Variants in TRIP4 observed in about 807,000 individuals in gnomAD.
TRIP4 encodes the protein thyroid hormone receptor interactor 4.
In TRIP4, 54 loss-of-function variants were observed where a neutral mutation model predicts 81.8. The observed-to-expected ratio is 0.66, with a 90% confidence interval of 0.53 to 0.83. The LOEUF is 0.83. Among genes scored for constraint, TRIP4 ranks in the 40% least tolerant of loss-of-function variants. TRIP4 has a pLI of 0.00. For synonymous variants in TRIP4, 270 were observed against 242.8 expected (o/e 1.11, Z -1.04); for missense variants, 662 against 683.6 (o/e 0.97, Z 0.35).
intron 11 of TRIP4, among the ~76,000 whole-genome samples, chr15:64,432,411 T>TGAGACCAGC (rs1451045305): frequency 7.2e-6 from 1 of 138,556 alleles, no homozygotes; most frequent in Non-Finnish European, 1.6e-5. Context: ...GTCAGGCTCT[T>TGAGACCAGC]GAGACCAGCT....
chr15:64,447,141 A>C (rs904980040), intron 12 of TRIP4, among the ~76,000 whole-genome samples: 1 of 152,046 alleles, frequency 6.6e-6, no homozygotes, highest in Non-Finnish European at 1.5e-5. Flanking sequence ...AAACAAAAAA[A>C]ACACACATAT....
intron 5 of TRIP4, among the ~76,000 whole-genome samples, chr15:64,404,405 C>T (rs1386401834): frequency 6.6e-6 from 1 of 152,086 alleles, no homozygotes; most frequent in Non-Finnish European, 1.5e-5. Context: ...ACTGCAACTT[C>T]TGCCTCTCAG....
intron 10 of TRIP4, among the ~76,000 whole-genome samples, 175 bp from the exon 11 acceptor site, chr15:64,425,365 A>C (rs1892118153): frequency 6.6e-6 from 1 of 152,174 alleles, no homozygotes. Flanking sequence ...CACTCACTAG[A>C]TTTTTTTGCT....
intron 6 of TRIP4, among the ~76,000 whole-genome samples, chr15:64,409,172 C>A (rs1019919068): frequency 6.7e-6 from 1 of 148,438 alleles, no homozygotes. Flanking sequence ...GCCTGAGCGA[C>A]AGAACGAGAC....
chr15:64,431,847 A>ATATATATATAT, intron 11 of TRIP4, among the ~76,000 whole-genome samples: 3 of 119,560 alleles, frequency 2.5e-5, no homozygotes, highest in African/African-American at 9.8e-5. Context: ...ATATATATAT[A>ATATATATATAT]TTTTTTTTAT....
At chr15:64,427,587 G>A (rs1185181256) in intron 11 of TRIP4, among the ~76,000 whole-genome samples, 1 of 152,142 alleles carries the variant, frequency 6.6e-6, no homozygotes, top group Admixed American at 6.6e-5. Flanking sequence ...TGTTGGCGAA[G>A]CTGGTCTTGA....
At chr15:64,441,391 C>T (rs979380062) in intron 11 of TRIP4, among the ~76,000 whole-genome samples, 3 of 152,126 alleles carry the variant, frequency 2.0e-5, no homozygotes, top group African/African-American at 7.2e-5. Flanking sequence ...ACAAAAATCC[C>T]CGTCCTCATG....
At chr15:64,454,423 A>G (rs1419337702) in intron 12 of TRIP4, among the ~76,000 whole-genome samples, 1 of 152,160 alleles carries the variant, frequency 6.6e-6, no homozygotes, top group Non-Finnish European at 1.5e-5. Context: ...TTGTTTTCTA[A>G]GTTTAACACT....
chr15:64,399,476 G>A (rs1448545853), intron 4 of TRIP4, among the ~76,000 whole-genome samples: 1 of 152,020 alleles, frequency 6.6e-6, no homozygotes, highest in Non-Finnish European at 1.5e-5. Context: ...GTCCCTTGAA[G>A]TAATGTAAAG....
At chr15:64,391,239 C>T (rs1900120095) in intron 1 of TRIP4, among the ~76,000 whole-genome samples, 1 of 151,948 alleles carries the variant, frequency 6.6e-6, no homozygotes, top group Non-Finnish European at 1.5e-5. Context: ...TCACTGCAAC[C>T]TCCACCTCCC....
chr15:64,419,968 A>T (rs1292014862), intron 9 of TRIP4, among the ~76,000 whole-genome samples: 1 of 151,598 alleles, frequency 6.6e-6, no homozygotes, highest in African/African-American at 2.4e-5. Flanking sequence ...GGCGCCCGCC[A>T]CCACACCTGG....
Position 64,454,956 on chromosome 15 carries a change from A to C in TRIP4, c.1679-41A>C, listed in dbSNP as rs371370729. On this transcript the variant is annotated intron_variant, in intron 12 of 12. Transcript: ENST00000261884. Reference sequence around the variant, plus strand: ...AGGCTGCAAAAGATTTGCATTGCAAATACAAAAATAAATAATGAGACTTAT... The same window carrying C: ...AGGCTGCAAAAGATTTGCATTGCAACTACAAAAATAAATAATGAGACTTAT... 12 of 1,596,454 alleles carry C rather than the reference A, an allele frequency of 7.5e-6. No individual in the cohort carries two copies. In the African/African-American group the frequency reaches 1.6e-4, roughly 21 times the overall value.
chr15:64,427,008 GAAAA>G (rs911308500), intron 11 of TRIP4, among the ~76,000 whole-genome samples: 31 of 146,574 alleles, frequency 2.1e-4, no homozygotes, highest in African/African-American at 7.7e-4. Context: ...TCAAAAAAAA[GAAAA>G]AAAAAAGATT....
intron 1 of TRIP4, among the ~76,000 whole-genome samples, chr15:64,390,560 C>G (rs993331461): frequency 1.3e-5 from 2 of 151,752 alleles, no homozygotes; most frequent in African/African-American, 2.4e-5. Flanking sequence ...AGTCTAGAAT[C>G]CAGTTGTATT....
chr15:64,432,368 C>T (rs897773132), intron 11 of TRIP4, among the ~76,000 whole-genome samples: 1 of 151,900 alleles, frequency 6.6e-6, no homozygotes, highest in Non-Finnish European at 1.5e-5. Flanking sequence ...AATCCCACCG[C>T]TTTGGGAGAC....
chr15:64,391,663 GGTT>G (rs1056547651), intron 1 of TRIP4, among the ~76,000 whole-genome samples: 2 of 151,736 alleles, frequency 1.3e-5, no homozygotes, highest in African/African-American at 4.8e-5. Flanking sequence ...TCTCTTCCCT[GGTT>G]GTTTGAAAAA....
Position 64,448,579 on chromosome 15 carries a change from T to C in TRIP4, c.1678+3471T>C, listed in dbSNP as rs985125435. ...CCCAGGCTCAAGTGATCCTCCCACCTCAGCCTCCTAAGTAGCTGGGACCAC... is the reference window on the plus strand; with the variant it reads ...CCCAGGCTCAAGTGATCCTCCCACCCCAGCCTCCTAAGTAGCTGGGACCAC... On this transcript the variant is annotated intron_variant, in intron 12 of 12. Transcript: ENST00000261884. Among the ~76,000 whole-genome samples the C allele has an allele frequency of 2.6e-5, 4 of 152,266 alleles. 1 individual carries two copies. In the South Asian group the frequency reaches 6.2e-4, roughly 24 times the overall value.
chr15:64,403,000 G>T (rs1891545817), intron 5 of TRIP4, among the ~76,000 whole-genome samples: 1 of 150,792 alleles, frequency 6.6e-6, no homozygotes, highest in Non-Finnish European at 1.5e-5. Context: ...GTTGAGACTG[G>T]CGACGCCCGC....
intron 5 of TRIP4, among the ~76,000 whole-genome samples, chr15:64,405,953 C>T (rs1891613371): frequency 6.6e-6 from 1 of 152,218 alleles, no homozygotes; most frequent in Non-Finnish European, 1.5e-5. Context: ...GATCACACTA[C>T]TGCACTCCAG....
Sources: gnomAD v4.1 joint callset for allele counts (sites outside exome capture counted in the v4.1 genomes callset) on GRCh38, gnomAD v4.1.1 for gene constraint, MANE v1.5 for transcripts, NCBI Gene and HGNC (gene_info 2026-07-23, HGNC 2026-07-21) for gene names.